Variants in CHKA observed in about 807,000 individuals in gnomAD.
CHKA encodes choline kinase alpha, also known as CHETK-alpha.
CHKA carries 34 observed loss-of-function variants against 60.1 expected under a neutral mutation model. The observed-to-expected ratio is 0.57, with a 90% CI of 0.43 to 0.75. The LOEUF (loss-of-function observed/expected upper bound fraction) is 0.75. CHKA is among the 30% of genes least tolerant of loss of function. The pLI is 0.00. For missense variants in CHKA, 563 were observed against 561.3 expected (o/e 1.00, Z -0.03); for synonymous variants, 217 against 223.1 (o/e 0.97, Z 0.24).
intron 1 of CHKA, among the ~76,000 whole-genome samples, chr11:68,118,196 C>T (rs896237298): frequency 6.6e-6 from 1 of 152,120 alleles, no homozygotes; most frequent in African/African-American, 2.4e-5. Flanking sequence ...AATCCTGGCA[C>T]TTTGGGAGGC....
rs1335056738 is a variant in CHKA at position 68,112,831 on chromosome 11, C to T, written c.350+7997G>A. Reference sequence around the variant, plus strand: ...GGCACGGTGGTTCATGCCTGTAATCCCAGCACTTCGGGAGGCCGAGGCAGG... The same window carrying T: ...GGCACGGTGGTTCATGCCTGTAATCTCAGCACTTCGGGAGGCCGAGGCAGG... On this transcript the variant is annotated intron_variant, in intron 1 of 11. Transcript: ENST00000265689. 2.0e-5 allele frequency among the ~76,000 whole-genome samples: 3 copies of T among 152,084 alleles called. No individual in the cohort carries two copies. The East Asian group carries it at 5.8e-4, about 29-fold the overall frequency.
intron 11 of CHKA, among the ~76,000 whole-genome samples, chr11:68,056,958 T>G (rs1262030365): frequency 6.6e-6 from 1 of 152,212 alleles, no homozygotes; most frequent in Non-Finnish European, 1.5e-5. Context: ...TATGGCTAGT[T>G]GGTCAGAAAT....
At chr11:68,111,294 C>T (rs1000494403) in intron 1 of CHKA, among the ~76,000 whole-genome samples, 4 of 151,854 alleles carry the variant, frequency 2.6e-5, no homozygotes, top group Admixed American at 1.3e-4. Context: ...CGCCTGTAAC[C>T]CCAGCTACTG....
intron 1 of CHKA, among the ~76,000 whole-genome samples, chr11:68,102,206 C>T (rs1318132663): frequency 6.6e-6 from 1 of 151,624 alleles, no homozygotes; most frequent in Non-Finnish European, 1.5e-5. Context: ...AATAGGAAAA[C>T]CAATCCTAAA....
chr11:68,119,422 ACAAC>A lies in CHKA; in HGVS notation c.350+1402_350+1405del, dbSNP rs1858518326. ...GCCAGCAAATTTCTAGATACTGCACACAACCTGTCAGCCAATTAAAAGAAAATTG... is the reference window on the plus strand; with the variant it reads ...GCCAGCAAATTTCTAGATACTGCACACTGTCAGCCAATTAAAAGAAAATTG... On this transcript the variant is annotated intron_variant, in intron 1 of 11. Transcript: ENST00000265689. 1.3e-5 allele frequency among the ~76,000 whole-genome samples: 2 copies of A among 152,198 alleles called. 1 individual carries two copies.
chr11:68,121,384 C>G lies in CHKA; in HGVS notation c.-207G>C, dbSNP rs1041052512. 5.5e-6 allele frequency: 1 copy of G among 182,314 alleles called. No individual in the cohort carries two copies. Among genetic ancestry groups the G allele is most frequent in the Non-Finnish European group, 1.1e-5 (1 of 93,904 alleles). The allele number at this position is 182,314 out of a possible 1,614,324, so 11.3% of individuals were successfully genotyped here. On this transcript the variant is annotated 5_prime_UTR_variant, in exon 1 of 12. Transcript: ENST00000265689. Reference sequence around the variant, plus strand: ...TGTGCTGCTGGCCGCTGCACTCGCTCCTCTGCCGCCGCCGCACGAGGAGCG... The same window carrying G: ...TGTGCTGCTGGCCGCTGCACTCGCTGCTCTGCCGCCGCCGCACGAGGAGCG...
chr11:68,056,261 C>A (rs1394739123), intron 11 of CHKA, among the ~76,000 whole-genome samples: 1 of 152,088 alleles, frequency 6.6e-6, no homozygotes, highest in Non-Finnish European at 1.5e-5. Flanking sequence ...TGTCCAGGGT[C>A]CCTGGCTCAT....
intron 3 of CHKA, 80 bp downstream of exon 3, chr11:68,081,316 TAAGAGGCA>T: frequency 9.7e-7 from 1 of 1,026,626 alleles, no homozygotes; most frequent in South Asian, 1.3e-5. Context: ...CAAGGGTAGA[TAAGAGGCA>T]CTGCCAAGCC....
At chr11:68,057,337 T>A (rs577426525) in intron 11 of CHKA, among the ~76,000 whole-genome samples, 4 of 152,238 alleles carry the variant, frequency 2.6e-5, no homozygotes, top group Non-Finnish European at 5.9e-5. Flanking sequence ...TTTTCTTTTT[T>A]GAGACGGAGT....
Position 68,081,309 on chromosome 11 carries a change from G to C in CHKA, c.516+95C>G, listed in dbSNP as rs1856979124. ...AGAAAGATAGATCAGGATTTTCCAA[G>C]GGTAGATAAGAGGCACTGCCAAGCC... is the stretch of plus-strand genomic sequence containing the variant. On this transcript the variant is annotated intron_variant, in intron 3 of 11. Transcript: ENST00000265689. The C allele has an allele frequency of 4.2e-6, 4 of 941,572 alleles. No homozygotes were observed. In the South Asian group the frequency reaches 5.6e-5, roughly 13 times the overall value. 58.3% of individuals were successfully genotyped at this position (941,572 alleles called of 1,614,324 possible). A position where few individuals can be genotyped will look rare whatever the true frequency, so the allele number is the denominator to read the frequency against.
At chr11:68,115,422 T>TA (rs1858346937) in intron 1 of CHKA, among the ~76,000 whole-genome samples, 1 of 152,184 alleles carries the variant, frequency 6.6e-6, no homozygotes, top group Non-Finnish European at 1.5e-5. Flanking sequence ...TGTAGGTTCC[T>TA]CAGTTGTAAC....
At chr11:68,054,198 G>A (rs186511614) in intron 11 of CHKA, 151 bp from the exon 12 acceptor site, 287 of 641,078 alleles carry the variant, frequency 4.5e-4, no homozygotes, top group African/African-American at 4.4e-3. Context: ...AGGGCTGCTC[G>A]GGGGCCTCGC....
At chr11:68,059,738 T>C (rs1283622032) in intron 11 of CHKA, among the ~76,000 whole-genome samples, 2 of 152,256 alleles carry the variant, frequency 1.3e-5, no homozygotes, top group Non-Finnish European at 2.9e-5. Context: ...TAAATTTCAC[T>C]GAGAACATAT....
At position 68,070,817 on chromosome 11, in the gene CHKA, A is replaced by G. The variant is rs1856593017; in HGVS notation, c.671T>C (p.Ile224Thr). ...LDTEELSLPDISAEIAEKMAT... is the reference protein window; with the variant it reads ...LDTEELSLPDTSAEIAEKMAT... ...CATTTTCTCGGCGATTTCTGCAGAA[A>G]TATCTGGCAAACTTAATTCTTCAGT... The change falls in exon 5 of 12, where the codon ATT (isoleucine) becomes ACT (threonine). Residue 224 changes from isoleucine to threonine, a missense_variant. Ile to Thr is a moderately conservative substitution (Grantham distance 89). Transcript: ENST00000265689. 1.9e-6 allele frequency: 3 copies of G among 1,612,970 alleles called. No homozygotes were observed. The highest frequency in any genetic ancestry group is 2.7e-5 in the African/African-American group (2 of 74,952).
At chr11:68,075,577 C>T (rs1172144365) in intron 3 of CHKA, among the ~76,000 whole-genome samples, 2 of 152,128 alleles carry the variant, frequency 1.3e-5, no homozygotes, top group African/African-American at 4.8e-5. Context: ...CACATTACAG[C>T]ATAATGGTTT....
At chr11:68,086,646 T>C (rs1857185336) in intron 2 of CHKA, among the ~76,000 whole-genome samples, 2 of 152,160 alleles carry the variant, frequency 1.3e-5, no homozygotes, top group Non-Finnish European at 2.9e-5. Flanking sequence ...TAAGAATGGG[T>C]GAAAGCGGCA....
chr11:68,068,020 G>T (rs1219987544), intron 7 of CHKA, among the ~76,000 whole-genome samples: 1 of 152,222 alleles, frequency 6.6e-6, no homozygotes, highest in African/African-American at 2.4e-5. Flanking sequence ...GCACCAGTGG[G>T]AGCTGCATAG....
At position 68,099,372 on chromosome 11, in the gene CHKA, T is replaced by C. The variant is rs1857621179; in HGVS notation, c.351-2242A>G. ...CAAATAAAAAATTTGAATGTGCTTC[T>C]AGCACAAACAATTTTTTCCCAGATT... On this transcript the variant is annotated intron_variant, in intron 1 of 11. Transcript: ENST00000265689. Among the ~76,000 whole-genome samples, 3 of 152,266 alleles carry C rather than the reference T, an allele frequency of 2.0e-5. No homozygotes were observed. In the South Asian group the frequency reaches 6.2e-4, roughly 31 times the overall value.
intron 2 of CHKA, among the ~76,000 whole-genome samples, chr11:68,093,412 G>A (rs1447556880): frequency 6.6e-6 from 1 of 152,170 alleles, no homozygotes; most frequent in Non-Finnish European, 1.5e-5. Flanking sequence ...AAATATAACT[G>A]AGAAGCTAAA....
Sources: allele counts gnomAD v4.1 joint callset (sites outside exome capture counted in the v4.1 genomes callset), GRCh38; gene constraint gnomAD v4.1.1; transcripts MANE v1.5; gene names NCBI Gene and HGNC (gene_info 2026-07-23, HGNC 2026-07-21).